NKX1-2: variants seen among roughly 807,000 people sequenced by gnomAD.
NKX1-2 encodes the protein NK1 homeobox 2.
NKX1-2 carries 1 observed loss-of-function variant against 4.4 expected under a neutral mutation model. The ratio of observed to expected loss-of-function variants is 0.23; its 90% CI spans 0.08 to 1.08. The LOEUF is 1.08. NKX1-2 is among the 50% of genes least tolerant of loss of function. The pLI is 0.55. For synonymous variants in NKX1-2, 235 were observed against 228.0 expected, an observed-to-expected ratio of 1.03 and a Z score of -0.28; for missense variants, 503 against 464.6, an observed-to-expected ratio of 1.08 and a Z score of -0.76.
rs1952277112 is a variant in NKX1-2 at position 124,449,574 on chromosome 10, G to C, written c.214+156C>G. 1.4e-6 allele frequency: 1 copy of C among 713,454 alleles called. No individual in the cohort carries two copies. The allele number at this position is 713,454 out of a possible 1,614,324, so 44.2% of individuals were successfully genotyped here. A position where few individuals can be genotyped will look rare whatever the true frequency, so the allele number is the denominator to read the frequency against. ...GAGCCTCCTCTCTGCCTCTATCCAA[G>C]TCCGAGGCGGGGGCTACACTTCGCA... On this transcript the variant is annotated intron_variant, in intron 1 of 1. Coordinates refer to ENST00000451024, the MANE Select transcript of NKX1-2 (RefSeq NM_001146340.3). The surrounding 1 kb of genome is among the most constrained non-coding windows in gnomAD (Gnocchi z 7.5).
At position 124,448,794 on chromosome 10, in the gene NKX1-2, T is replaced by C. The variant is rs900587417; in HGVS notation, c.215-647A>G. 2.3e-4 allele frequency: 35 copies of C among 152,828 alleles called. No homozygotes were observed. Among genetic ancestry groups the C allele is most frequent in the African/African-American group, 8.2e-4 (34 of 41,402 alleles). 9.5% of individuals were successfully genotyped at this position (152,828 alleles called of 1,614,324 possible). A position where few individuals can be genotyped will look rare whatever the true frequency, so the allele number is the denominator to read the frequency against. On this transcript the variant is annotated intron_variant, in intron 1 of 1. Coordinates refer to ENST00000451024, the MANE Select transcript of NKX1-2 (RefSeq NM_001146340.3). This position sits in a 1 kb window ranked among gnomAD's most constrained non-coding sequence, Gnocchi z 4.1. The stretch of plus-strand genomic sequence containing the variant: ...ATATGCAGGCGCCAGTAATAGAATA[T>C]CGATCACGAGGGTGGGGGAAGGGAG...
rs1479827499 is a variant in NKX1-2 at position 124,449,714 on chromosome 10, C to T, written c.214+16G>A. ...GGGCTGAGGCCTCCTGGGGCCGGGGCCGCCTTGCATCTTACCAGGGGTCTC... is the reference window on the plus strand; with the variant it reads ...GGGCTGAGGCCTCCTGGGGCCGGGGTCGCCTTGCATCTTACCAGGGGTCTC... On this transcript the variant is annotated intron_variant, in intron 1 of 1. Coordinates refer to ENST00000451024, the MANE Select transcript of NKX1-2 (RefSeq NM_001146340.3). The surrounding 1 kb of genome is among the most constrained non-coding windows in gnomAD (Gnocchi z 7.5). 6.5e-7 allele frequency: 1 copy of T among 1,540,730 alleles called. No homozygotes were observed. The highest frequency in any genetic ancestry group is 2.0e-5 in the Admixed American group (1 of 50,996).
At position 124,447,869 on chromosome 10, in the gene NKX1-2, G is replaced by A; in HGVS notation, c.493C>T (p.Arg165Cys). 6.9e-7 allele frequency: 1 copy of A among 1,447,432 alleles called. No individual in the cohort carries two copies. Among genetic ancestry groups the A allele is most frequent in the Non-Finnish European group, 9.2e-7 (1 of 1,091,812 alleles). 89.7% of individuals were successfully genotyped at this position (1,447,432 alleles called of 1,614,324 possible). A position where few individuals can be genotyped will look rare whatever the true frequency, so the allele number is the denominator to read the frequency against. The change falls in exon 2 of 2, where the codon CGC becomes TGC. Residue 165 changes from arginine (R) to cysteine (C), a missense_variant. Coordinates refer to ENST00000451024, the MANE Select transcript of NKX1-2 (RefSeq NM_001146340.3). ...TCGTAGGTGAAGGCGGTGCGCGCGC[G>A]CCGCGGCTTGGCGCAGTTGGGCTCC... Reference protein sequence around the residue: ...RLEPNCAKPRRARTAFTYEQL... With the variant: ...RLEPNCAKPRCARTAFTYEQL...
chr10:124,448,488 G>C lies in NKX1-2; in HGVS notation c.215-341C>G, dbSNP rs549286950. 6 of 201,652 alleles carry C rather than the reference G, an allele frequency of 3.0e-5. No homozygotes were observed. The highest frequency in any genetic ancestry group is 5.9e-5 in the Non-Finnish European group (6 of 101,384). 12.5% of individuals were successfully genotyped at this position (201,652 alleles called of 1,614,324 possible). A position where few individuals can be genotyped will look rare whatever the true frequency, so the allele number is the denominator to read the frequency against. ...ACATCTAGATGTCAAACGCTTTTAG[G>C]GCTGTGCCTTCCCCAGACCCTAGAA... On this transcript the variant is annotated intron_variant, in intron 1 of 1. Transcript: ENST00000451024. This position sits in a 1 kb window ranked among gnomAD's most constrained non-coding sequence, Gnocchi z 4.1.
In NKX1-2 at chr10:124,447,861, G is replaced by C; in HGVS notation, c.501C>G (p.Arg167=). ...CCAGCTGCTCGTAGGTGAAGGCGGTGCGCGCGCGCCGCGGCTTGGCGCAGT... is the reference window on the plus strand; with the variant it reads ...CCAGCTGCTCGTAGGTGAAGGCGGTCCGCGCGCGCCGCGGCTTGGCGCAGT... ...EPNCAKPRRA[R]TAFTYEQLVA... Residue 167 remains arginine (R), a synonymous_variant, in exon 2 of 2, where the codon CGC becomes CGG. Coordinates refer to ENST00000451024, the MANE Select transcript of NKX1-2 (RefSeq NM_001146340.3). 1 of 1,449,706 alleles carries C rather than the reference G, an allele frequency of 6.9e-7. No homozygotes were observed. Among genetic ancestry groups the C allele is most frequent in the Non-Finnish European group, 9.2e-7 (1 of 1,092,754 alleles). The allele number at this position is 1,449,706 out of a possible 1,614,324, so 89.8% of individuals were successfully genotyped here.
rs1952278939 is a variant in NKX1-2 at position 124,449,803 on chromosome 10, C to T, written c.141G>A (p.Arg47=). Residue 47 remains arginine, a synonymous_variant, in exon 1 of 2, where the codon AGG becomes AGA. Transcript: ENST00000451024. The surrounding 1 kb of genome is among the most constrained non-coding windows in gnomAD (Gnocchi z 7.5). Reference sequence around the variant, plus strand: ...CCGCTTCGACCTCCGCCAAACTTTTCCTGGCTTCCCGGGGAGCCGGGCGCA... The same window carrying T: ...CCGCTTCGACCTCCGCCAAACTTTTTCTGGCTTCCCGGGGAGCCGGGCGCA... ...PAVRPAPREA[R]KSLAEVEAGK... The T allele has an allele frequency of 6.4e-7, 1 of 1,551,706 alleles. No homozygotes were observed. Among genetic ancestry groups the T allele is most frequent in the African/African-American group, 1.4e-5 (1 of 73,192 alleles).
chr10:124,447,366 AG>A lies in NKX1-2; in HGVS notation c.*62del. 9.6e-7 allele frequency: 1 copy of A among 1,041,666 alleles called. No homozygotes were observed. Among genetic ancestry groups the A allele is most frequent in the Non-Finnish European group, 1.2e-6 (1 of 815,608 alleles). The allele number at this position is 1,041,666 out of a possible 1,614,324, so 64.5% of individuals were successfully genotyped here. On this transcript the variant is annotated 3_prime_UTR_variant, in exon 2 of 2. Transcript: ENST00000451024. Reference sequence around the variant, plus strand: ...ACCTGCACCCCCGGTGGAGGAGCCGAGGGCACACGACGATGCCAATCCCTCG... The same window carrying A: ...ACCTGCACCCCCGGTGGAGGAGCCGAGGCACACGACGATGCCAATCCCTCG...
chr10:124,447,975 C>T lies in NKX1-2; in HGVS notation c.387G>A (p.Glu129=). The part of the protein sequence containing the change: ...DAPAGALASG[E]PCEDGGGGPV... ...GGCCGCCCCCGCCGTCCTCGCAGGG[C>T]TCCCCAGACGCCAATGCCCCGGCCG... Residue 129 remains glutamate, a synonymous_variant, in exon 2 of 2, where the codon GAG becomes GAA. Coordinates refer to ENST00000451024, the MANE Select transcript of NKX1-2 (RefSeq NM_001146340.3). 6.9e-7 allele frequency: 1 copy of T among 1,444,896 alleles called. No homozygotes were observed. The highest frequency in any genetic ancestry group is 9.0e-7 in the Non-Finnish European group (1 of 1,106,514). 89.5% of individuals were successfully genotyped at this position (1,444,896 alleles called of 1,614,324 possible). A position where few individuals can be genotyped will look rare whatever the true frequency, so the allele number is the denominator to read the frequency against.
At position 124,447,621 on chromosome 10, in the gene NKX1-2, GCCGCCGCCGCCGCCCC is replaced by G; in HGVS notation, c.725_740del (p.Gly242AlafsTer38). 1 of 1,277,354 alleles carries G rather than the reference GCCGCCGCCGCCGCCCC, an allele frequency of 7.8e-7. No homozygotes were observed. Among genetic ancestry groups the G allele is most frequent in the Non-Finnish European group, 9.9e-7 (1 of 1,013,668 alleles). 79.1% of individuals were successfully genotyped at this position (1,277,354 alleles called of 1,614,324 possible). On this transcript the variant is annotated frameshift_variant, in exon 2 of 2. Coordinates refer to ENST00000451024, the MANE Select transcript of NKX1-2 (RefSeq NM_001146340.3). LOFTEE classifies it low-confidence loss of function (END_TRUNC). ...GAGGGCCAGGACTGCCCCCCGAGCC[GCCGCCGCCGCCGCCCC>G]CCGCCGCCCCTGGCTGGGGCGCGCC...
Position 124,448,300 on chromosome 10 carries a change from C to A in NKX1-2, c.215-153G>T. ...CCCCTTAGGCCGGACTACACATCCTCGCCAGCGGGTTTAGGGGAATGGTGT... is the reference window on the plus strand; with the variant it reads ...CCCCTTAGGCCGGACTACACATCCTAGCCAGCGGGTTTAGGGGAATGGTGT... On this transcript the variant is annotated intron_variant, in intron 1 of 1. Transcript: ENST00000451024. The surrounding 1 kb of genome is among the most constrained non-coding windows in gnomAD (Gnocchi z 4.1). 8.1e-7 allele frequency: 1 copy of A among 1,233,258 alleles called. No individual in the cohort carries two copies. The highest frequency in any genetic ancestry group is 2.9e-5 in the South Asian group (1 of 34,062). The allele number at this position is 1,233,258 out of a possible 1,614,324, so 76.4% of individuals were successfully genotyped here.
Position 124,449,033 on chromosome 10 carries a change from G to T in NKX1-2, c.214+697C>A, listed in dbSNP as rs1200415724. Among the ~76,000 whole-genome samples the T allele has an allele frequency of 6.6e-6, 1 of 152,240 alleles. No individual in the cohort carries two copies. The highest frequency in any genetic ancestry group is 6.5e-5 in the Admixed American group (1 of 15,294). ...GTCTGATCCCAGCAGGACTCCTGCT[G>T]TCTTCCGTCCTTCCTTCCAGCCACA... On this transcript the variant is annotated intron_variant, in intron 1 of 1. Coordinates refer to ENST00000451024, the MANE Select transcript of NKX1-2 (RefSeq NM_001146340.3). The surrounding 1 kb of genome is among the most constrained non-coding windows in gnomAD (Gnocchi z 7.5).
Position 124,447,314 on chromosome 10 carries a change from C to G in NKX1-2, c.*115G>C, listed in dbSNP as rs993501253. On this transcript the variant is annotated 3_prime_UTR_variant, in exon 2 of 2. Coordinates refer to ENST00000451024, the MANE Select transcript of NKX1-2 (RefSeq NM_001146340.3). ...CCGCGAGGATCGCGGGTGCGCGCGG[C>G]GGGCAGGGGTGCGCTGACACCCGCG... is the stretch of plus-strand genomic sequence containing the variant. 6.7e-5 allele frequency: 39 copies of G among 578,406 alleles called. No individual in the cohort carries two copies. Among genetic ancestry groups the G allele is most frequent in the Non-Finnish European group, 9.4e-5 (38 of 406,210 alleles). 35.8% of individuals were successfully genotyped at this position (578,406 alleles called of 1,614,324 possible). A position where few individuals can be genotyped will look rare whatever the true frequency, so the allele number is the denominator to read the frequency against.
In NKX1-2 at chr10:124,450,023, G is replaced by A; in HGVS notation, c.-80C>T. On this transcript the variant is annotated 5_prime_UTR_variant, in exon 1 of 2. Coordinates refer to ENST00000451024, the MANE Select transcript of NKX1-2 (RefSeq NM_001146340.3). The stretch of plus-strand genomic sequence containing the variant: ...CGGGCTTGCCTTCGGCTGTGGCTTG[G>A]CGGTAGCTTTCCAGCCAGGAGCCGG... 1 of 1,135,036 alleles carries A rather than the reference G, an allele frequency of 8.8e-7. No homozygotes were observed. The highest frequency in any genetic ancestry group is 1.2e-6 in the Non-Finnish European group (1 of 840,522). 70.3% of individuals were successfully genotyped at this position (1,135,036 alleles called of 1,614,324 possible).
Position 124,449,922 on chromosome 10 carries a change from C to T in NKX1-2, c.22G>A (p.Gly8Arg). The T allele has an allele frequency of 4.5e-6, 7 of 1,546,420 alleles. No homozygotes were observed. The highest frequency in any genetic ancestry group is 2.5e-5 in the East Asian group (1 of 40,770). ...TGGTGGGAGGGAGCCGCCTTGGCCC[C>T]GCCGTCCTGCCATGCCAGCATGCCC... MLAWQDG[G>R]AKAAPSHHKI... The change falls in exon 1 of 2, where the codon GGG (glycine) becomes AGG (arginine). Residue 8 changes from glycine (G) to arginine (R), a missense_variant. Physicochemically the swap from Gly to Arg is moderately radical, Grantham distance 125. Transcript: ENST00000451024. This position sits in a 1 kb window ranked among gnomAD's most constrained non-coding sequence, Gnocchi z 7.5.
Position 124,447,311 on chromosome 10 carries a change from C to A in NKX1-2, c.*118G>T. On this transcript the variant is annotated 3_prime_UTR_variant, in exon 2 of 2. Coordinates refer to ENST00000451024, the MANE Select transcript of NKX1-2 (RefSeq NM_001146340.3). ...GGCCCGCGAGGATCGCGGGTGCGCGCGGCGGGCAGGGGTGCGCTGACACCC... is the reference window on the plus strand; with the variant it reads ...GGCCCGCGAGGATCGCGGGTGCGCGAGGCGGGCAGGGGTGCGCTGACACCC... 1.8e-6 allele frequency: 1 copy of A among 567,830 alleles called. No homozygotes were observed. The highest frequency in any genetic ancestry group is 2.5e-6 in the Non-Finnish European group (1 of 396,230). 35.2% of individuals were successfully genotyped at this position (567,830 alleles called of 1,614,324 possible). A position where few individuals can be genotyped will look rare whatever the true frequency, so the allele number is the denominator to read the frequency against.
At position 124,447,421 on chromosome 10, in the gene NKX1-2, C is replaced by T; in HGVS notation, c.*8G>A. The T allele has an allele frequency of 2.4e-6, 3 of 1,250,788 alleles. No individual in the cohort carries two copies. Among genetic ancestry groups the T allele is most frequent in the Non-Finnish European group, 3.0e-6 (3 of 989,274 alleles). The allele number at this position is 1,250,788 out of a possible 1,614,324, so 77.5% of individuals were successfully genotyped here. ...ATCCCGCGAAAGAGGGGCCAGGGGG[C>T]TCCGGATTCATAGACGCGGGGCGTA... On this transcript the variant is annotated 3_prime_UTR_variant, in exon 2 of 2. Coordinates refer to ENST00000451024, the MANE Select transcript of NKX1-2 (RefSeq NM_001146340.3).
At position 124,446,241 on chromosome 10, in the gene NKX1-2, C is replaced by A. The variant is rs971066040; in HGVS notation, c.*1188G>T. On this transcript the variant is annotated 3_prime_UTR_variant, in exon 2 of 2. Coordinates refer to ENST00000451024, the MANE Select transcript of NKX1-2 (RefSeq NM_001146340.3). ...AAAATGCATGTCCATGTATCAGATT[C>A]CTGGAGGTGAATCCATTAGGAATAT... 6.6e-6 allele frequency: 1 copy of A among 152,170 alleles called. No homozygotes were observed. Among genetic ancestry groups the A allele is most frequent in the Non-Finnish European group, 1.5e-5 (1 of 68,032 alleles). 9.4% of individuals were successfully genotyped at this position (152,170 alleles called of 1,614,324 possible).
chr10:124,445,433 C>A lies in NKX1-2; in HGVS notation c.*1996G>T, dbSNP rs1276617093. 1.3e-5 allele frequency: 2 copies of A among 152,306 alleles called. No individual in the cohort carries two copies. Among genetic ancestry groups the A allele is most frequent in the Non-Finnish European group, 2.9e-5 (2 of 68,032 alleles). 9.4% of individuals were successfully genotyped at this position (152,306 alleles called of 1,614,324 possible). A position where few individuals can be genotyped will look rare whatever the true frequency, so the allele number is the denominator to read the frequency against. ...CCGTGCTGGGCCACGAACAGATCAG[C>A]CTCCCACCTCTCTCCCTATTCCCTC... On this transcript the variant is annotated 3_prime_UTR_variant, in exon 2 of 2. Coordinates refer to ENST00000451024, the MANE Select transcript of NKX1-2 (RefSeq NM_001146340.3).
At position 124,449,947 on chromosome 10, in the gene NKX1-2, C is replaced by T. The variant is rs1564754190; in HGVS notation, c.-4G>A. On this transcript the variant is annotated 5_prime_UTR_variant, in exon 1 of 2. Coordinates refer to ENST00000451024, the MANE Select transcript of NKX1-2 (RefSeq NM_001146340.3). The surrounding 1 kb of genome is among the most constrained non-coding windows in gnomAD (Gnocchi z 7.5). ...CGCCGTCCTGCCATGCCAGCATGCC[C>T]GTCGCCCACGGGCCGGCGGTCGGCG... The T allele has an allele frequency of 2.0e-6, 3 of 1,529,236 alleles. No individual in the cohort carries two copies. Among genetic ancestry groups the T allele is most frequent in the East Asian group, 2.5e-5 (1 of 40,366 alleles). The allele number at this position is 1,529,236 out of a possible 1,614,324, so 94.7% of individuals were successfully genotyped here. A position where few individuals can be genotyped will look rare whatever the true frequency, so the allele number is the denominator to read the frequency against.
Sources: gnomAD v4.1 joint callset for allele counts (sites outside exome capture counted in the v4.1 genomes callset) on GRCh38, gnomAD v4.1.1 for gene constraint, Gnocchi (gnomAD v3.1) non-coding constraint, MANE v1.5 for transcripts, NCBI Gene and HGNC (gene_info 2026-07-23, HGNC 2026-07-21) for gene names.